Variants in HDAC5 observed in about 807,000 individuals in gnomAD.
HDAC5 encodes the protein histone deacetylase 5.
HDAC5 carries 25 observed loss-of-function variants against 133.3 expected under a neutral mutation model. The observed-to-expected ratio is 0.19, with a 90% CI of 0.14 to 0.26. The LOEUF is 0.26. HDAC5 is among the 10% of genes least tolerant of loss of function. HDAC5 has a pLI of 1.00. For missense variants in HDAC5, 1,041 were observed against 1,460.5 expected (o/e 0.71, Z 4.68); for synonymous variants, 589 against 610.8 (o/e 0.96, Z 0.53).
chr17:44,117,360 C>A lies in HDAC5; in HGVS notation c.22+134G>T. The A allele has an allele frequency of 1.0e-6, 1 of 1,004,896 alleles. No individual in the cohort carries two copies. The highest frequency in any genetic ancestry group is 1.6e-6 in the Non-Finnish European group (1 of 633,976). 62.2% of individuals were successfully genotyped at this position (1,004,896 alleles called of 1,614,324 possible). A position where few individuals can be genotyped will look rare whatever the true frequency, so the allele number is the denominator to read the frequency against. On this transcript the variant is annotated intron_variant, in intron 2 of 26. Transcript: ENST00000682912. This position sits in a 1 kb window ranked among gnomAD's most constrained non-coding sequence, Gnocchi z 4.2. ...ACCTCATGGGCCCTTTCTTGCAACA[C>A]TTCTCCACTCCTTACCCCCTCATTC...
chr17:44,113,043 G>A (rs780608364), intron 2 of HDAC5, among the ~76,000 whole-genome samples: 1 of 152,112 alleles, frequency 6.6e-6, no homozygotes, highest in Non-Finnish European at 1.5e-5. Flanking sequence ...ATTCAAGGGA[G>A]CCCAGAAAGC....
At chr17:44,097,642 G>A (rs1213359324) in intron 3 of HDAC5, among the ~76,000 whole-genome samples, 6 of 152,244 alleles carry the variant, frequency 3.9e-5, no homozygotes, top group Non-Finnish European at 5.9e-5. Context: ...GGCTTGGCCC[G>A]TGGCACTCTG....
chr17:44,096,531 T>C (rs1230589164), intron 3 of HDAC5, among the ~76,000 whole-genome samples: 3 of 151,198 alleles, frequency 2.0e-5, no homozygotes, highest in Non-Finnish European at 4.4e-5. Flanking sequence ...TGGAGTGCAG[T>C]GGCACAATCT....
chr17:44,099,742 A>G (rs1317445119), intron 3 of HDAC5, among the ~76,000 whole-genome samples: 4 of 152,078 alleles, frequency 2.6e-5, no homozygotes, highest in African/African-American at 9.7e-5. Flanking sequence ...CCAAAGTGCC[A>G]GGATTACCAG....
chr17:44,120,757 G>A (rs2052941321), intron 1 of HDAC5, among the ~76,000 whole-genome samples: 1 of 150,330 alleles, frequency 6.7e-6, no homozygotes, highest in Non-Finnish European at 1.5e-5. Context: ...AAAAAAAAAA[G>A]TTACAAGCCA....
intron 2 of HDAC5, chr17:44,111,689 C>T (rs781696109): frequency 3.9e-6 from 2 of 516,580 alleles, no homozygotes; most frequent in Admixed American, 3.9e-5. Flanking sequence ...TGCCCTCCCA[C>T]AGAGTTGAGA....
intron 3 of HDAC5, among the ~76,000 whole-genome samples, chr17:44,094,092 G>A (rs865833315): frequency 4.6e-5 from 7 of 152,180 alleles, no homozygotes; most frequent in Non-Finnish European, 5.9e-5. Context: ...GGAGGCTGAG[G>A]CAGGCAGATC....
In HDAC5 at chr17:44,092,554, A is replaced by G. The variant is rs189544134; in HGVS notation, c.773-27T>C. 236 of 1,606,710 alleles carry G rather than the reference A, an allele frequency of 1.5e-4. No individual in the cohort carries two copies. In the East Asian group the frequency reaches 5.1e-3, roughly 35 times the overall value. On this transcript the variant is annotated intron_variant, in intron 7 of 26. Transcript: ENST00000682912. ...TGGAGAGAAGGTAACCGAGGTTCAG[A>G]TACGCGCACAGCAGCACACATCTGC...
At position 44,092,723 on chromosome 17, in the gene HDAC5, A is replaced by C. The variant is rs1460687036; in HGVS notation, c.725T>G (p.Leu242Trp). The C allele has an allele frequency of 3.4e-6, 5 of 1,491,054 alleles. No individual in the cohort carries two copies. The highest frequency in any genetic ancestry group is 4.5e-6 in the Non-Finnish European group (5 of 1,118,800). 92.4% of individuals were successfully genotyped at this position (1,491,054 alleles called of 1,614,324 possible). ...PGTPPSYKLP[L>W]PGPYDSRDDF... Reference sequence around the variant, plus strand: ...GTCTCGACTGTCGTAGGGCCCAGGCAAAGGCAGTTTGTAGGAGGGAGGCGT... The same window carrying C: ...GTCTCGACTGTCGTAGGGCCCAGGCCAAGGCAGTTTGTAGGAGGGAGGCGT... The change falls in exon 7 of 27, where the codon TTG (leucine) becomes TGG (tryptophan). Residue 242 changes from leucine to tryptophan, a missense_variant. Coordinates refer to ENST00000682912, the MANE Select transcript of HDAC5 (RefSeq NM_005474.5).
chr17:44,120,592 A>G (rs946968526), intron 1 of HDAC5: 1 of 152,020 alleles, frequency 6.6e-6, no homozygotes, highest in African/African-American at 2.4e-5. Flanking sequence ...AAAATACAAA[A>G]TTGGCCAGGT....
At chr17:44,110,006 A>G (rs1276756812) in intron 3 of HDAC5, among the ~76,000 whole-genome samples, 1 of 152,264 alleles carries the variant, frequency 6.6e-6, no homozygotes, top group Non-Finnish European at 1.5e-5. Flanking sequence ...GAGCCAAAAA[A>G]GTTCCTGCTG....
chr17:44,119,121 G>T (rs774753521), intron 1 of HDAC5, among the ~76,000 whole-genome samples: 1 of 152,172 alleles, frequency 6.6e-6, no homozygotes, highest in Non-Finnish European at 1.5e-5. Flanking sequence ...TGCTCCTGAC[G>T]GGCACAGGTA....
chr17:44,080,498 C>T lies in HDAC5; in HGVS notation c.2728G>A (p.Val910Ile). The T allele has an allele frequency of 6.2e-7, 1 of 1,614,112 alleles. No homozygotes were observed. Among genetic ancestry groups the T allele is most frequent in the Non-Finnish European group, 8.5e-7 (1 of 1,180,002 alleles). The change falls in exon 22 of 27, where the codon GTT becomes ATT. Residue 910 changes from valine (V) to isoleucine (I), a missense_variant and splice_region_variant. Val to Ile is a conservative substitution (Grantham distance 29, BLOSUM62 3). Coordinates refer to ENST00000682912, the MANE Select transcript of HDAC5 (RefSeq NM_005474.5). ...TACCCCACGCCTGGTCCTCCACCAACCTGGCACCAGAGTTGGGGAGAGGGC... is the reference window on the plus strand; with the variant it reads ...TACCCCACGCCTGGTCCTCCACCAATCTGGCACCAGAGTTGGGGAGAGGGC... Reference protein sequence around the residue: ...FFPGSGAPEEVGGGPGVGYNV... With the variant: ...FFPGSGAPEEIGGGPGVGYNV...
chr17:44,089,020 C>G (rs1221464636), intron 11 of HDAC5, among the ~76,000 whole-genome samples: 1 of 151,984 alleles, frequency 6.6e-6, no homozygotes, highest in Non-Finnish European at 1.5e-5. Context: ...TCAAGCAGAA[C>G]CTCTTCTGGT....
chr17:44,100,333 T>C (rs2143416883), intron 3 of HDAC5, among the ~76,000 whole-genome samples: 1 of 152,084 alleles, frequency 6.6e-6, no homozygotes, highest in Middle Eastern at 3.4e-3. Context: ...GGAACTATAG[T>C]TCCCCCTAGA....
In HDAC5 at chr17:44,117,617, G is replaced by T. The variant is rs1384688445; in HGVS notation, c.-102C>A. 7.1e-7 allele frequency: 1 copy of T among 1,413,890 alleles called. No individual in the cohort carries two copies. The highest frequency in any genetic ancestry group is 9.9e-7 in the Non-Finnish European group (1 of 1,010,834). 87.6% of individuals were successfully genotyped at this position (1,413,890 alleles called of 1,614,324 possible). Reference sequence around the variant, plus strand: ...GACAGACGATAACAGACAGACGGACGGGACGGGAGCCCGGGGCCGCCGTGC... The same window carrying T: ...GACAGACGATAACAGACAGACGGACTGGACGGGAGCCCGGGGCCGCCGTGC... On this transcript the variant is annotated 5_prime_UTR_variant, in exon 2 of 27. Transcript: ENST00000682912. The surrounding 1 kb of genome is among the most constrained non-coding windows in gnomAD (Gnocchi z 4.2).
At chr17:44,078,460 C>T in intron 26 of HDAC5, 40 bp downstream of exon 26, 1 of 1,576,516 alleles carries the variant, frequency 6.3e-7, no homozygotes, top group Non-Finnish European at 8.6e-7. Context: ...GGCGCACCAG[C>T]AGGGGTGAGG....
intron 2 of HDAC5, 50 bp from the exon 3 acceptor site, chr17:44,110,850 G>A (rs766225145): frequency 8.8e-5 from 130 of 1,477,702 alleles, no homozygotes; most frequent in Non-Finnish European, 1.1e-4. Context: ...GCATCTCCAC[G>A]AGCCCCTGAG....
Position 44,091,798 on chromosome 17 carries a change from T to C in HDAC5, c.1066A>G (p.Ser356Gly). The change falls in exon 10 of 27, where the codon AGC becomes GGC. Residue 356 changes from serine (S) to glycine (G), a missense_variant. Ser to Gly is a moderately conservative substitution (Grantham distance 56, BLOSUM62 0). Coordinates refer to ENST00000682912, the MANE Select transcript of HDAC5 (RefSeq NM_005474.5). ...TAGAGGCTGAACTGGTTGGGGGAGC[T>C]GTCCAGAGGGAGGGCTCGGTGCTGA... ...LPQHRALPLD[S>G]SPNQFSLYTS... 1 of 1,595,298 alleles carries C rather than the reference T, an allele frequency of 6.3e-7. No homozygotes were observed. Among genetic ancestry groups the C allele is most frequent in the Non-Finnish European group, 8.5e-7 (1 of 1,171,018 alleles).
Sources: allele counts gnomAD v4.1 joint callset (sites outside exome capture counted in the v4.1 genomes callset), GRCh38; gene constraint gnomAD v4.1.1; non-coding constraint Gnocchi (gnomAD v3.1); transcripts MANE v1.5; gene names NCBI Gene and HGNC (gene_info 2026-07-23, HGNC 2026-07-21).